Variants in KDM4B observed in about 807,000 individuals in gnomAD.
KDM4B encodes lysine-specific demethylase 4B.
A neutral mutation model predicts 125.2 loss-of-function variants in KDM4B; 32 were observed. The ratio of observed to expected loss-of-function variants is 0.26; its 90% CI spans 0.19 to 0.34. The LOEUF (loss-of-function observed/expected upper bound fraction) is 0.34, where lower values mean the gene tolerates loss of function less well. Among genes scored for constraint, KDM4B ranks in the 10% least tolerant of loss-of-function variants. The probability of loss-of-function intolerance (pLI) is 1.00; values close to 1 mark genes in which losing one functional copy is unlikely to be tolerated. For missense variants in KDM4B, 1,190 were observed against 1,577.7 expected (o/e 0.75, Z 4.16); for synonymous variants, 721 against 677.9 (o/e 1.06, Z -0.99).
At position 5,092,674 on chromosome 19, in the gene KDM4B, G is replaced by A. The variant is rs369334860; in HGVS notation, c.918+10170G>A. Among the ~76,000 whole-genome samples, 3 of 152,292 alleles carry A rather than the reference G, an allele frequency of 2.0e-5. No homozygotes were observed. In the East Asian group the frequency reaches 5.8e-4, roughly 29 times the overall value. On this transcript the variant is annotated intron_variant, in intron 9 of 22. Transcript: ENST00000159111. ...CATCAGAGGAGCGGGTCTGCTTACG[G>A]GGTCAGGCAGAGGCAGGACCCCCTC...
intron 6 of KDM4B, among the ~76,000 whole-genome samples, chr19:5,069,806 CA>C (rs2037890134): frequency 6.6e-6 from 1 of 151,906 alleles, no homozygotes. Flanking sequence ...GGGGTTTCAC[CA>C]TGTTGGCTAG....
At chr19:5,003,943 G>A (rs1408530897) in intron 1 of KDM4B, among the ~76,000 whole-genome samples, 1 of 152,170 alleles carries the variant, frequency 6.6e-6, no homozygotes, top group Non-Finnish European at 1.5e-5. Context: ...GTTGTTGGCC[G>A]CGGTCGGATG....
chr19:4,977,711 G>A (rs2034496887), intron 1 of KDM4B, among the ~76,000 whole-genome samples: 1 of 152,218 alleles, frequency 6.6e-6, no homozygotes, highest in Non-Finnish European at 1.5e-5. Flanking sequence ...ACCCACGGGT[G>A]CTGTGGACCC....
Position 5,082,775 on chromosome 19 carries a change from C to T in KDM4B, c.918+271C>T, listed in dbSNP as rs2038342277. On this transcript the variant is annotated intron_variant, in intron 9 of 22. Coordinates refer to ENST00000159111, the MANE Select transcript of KDM4B (RefSeq NM_015015.3). The surrounding 1 kb of genome is among the most constrained non-coding windows in gnomAD (Gnocchi z 5.4). The stretch of plus-strand genomic sequence containing the variant: ...GTTCCATACACCAGTTATCCCTCGG[C>T]CTGCGTGGGCCTCCTGGGCATGGCC... 6.6e-6 allele frequency among the ~76,000 whole-genome samples: 1 copy of T among 152,244 alleles called. No individual in the cohort carries two copies. Among genetic ancestry groups the T allele is most frequent in the Non-Finnish European group, 1.5e-5 (1 of 68,038 alleles).
intron 11 of KDM4B, among the ~76,000 whole-genome samples, chr19:5,120,757 G>A (rs944849542): frequency 6.6e-6 from 1 of 152,114 alleles, no homozygotes; most frequent in Non-Finnish European, 1.5e-5. Context: ...AGGGCTCCCC[G>A]CTGGGAGCCC....
intron 11 of KDM4B, among the ~76,000 whole-genome samples, chr19:5,123,765 G>A (rs908375849): frequency 2.0e-5 from 3 of 152,230 alleles, no homozygotes; most frequent in Admixed American, 2.0e-4. Flanking sequence ...GCTGGTAGAG[G>A]ATAAGTTCCT....
intron 2 of KDM4B, among the ~76,000 whole-genome samples, chr19:5,022,345 T>TAGGGCAC (rs1222543304): frequency 2.0e-5 from 3 of 152,140 alleles, no homozygotes; most frequent in Non-Finnish European, 4.4e-5. Context: ...CTTGGGTACG[T>TAGGGCAC]AGGGCACAGG....
intron 9 of KDM4B, among the ~76,000 whole-genome samples, chr19:5,100,406 T>C (rs1419941378): frequency 5.3e-5 from 8 of 150,056 alleles, no homozygotes; most frequent in Non-Finnish European, 1.2e-4. Flanking sequence ...TTTTTTGTTT[T>C]TGTTGTTGTT....
At chr19:5,103,309 C>T (rs1227905501) in intron 9 of KDM4B, among the ~76,000 whole-genome samples, 2 of 152,258 alleles carry the variant, frequency 1.3e-5, no homozygotes, top group African/African-American at 4.8e-5. Flanking sequence ...AGCCCATCGA[C>T]ATTCTGATTT....
At chr19:5,067,037 C>T (rs2037792830) in intron 6 of KDM4B, among the ~76,000 whole-genome samples, 1 of 152,188 alleles carries the variant, frequency 6.6e-6, no homozygotes, top group African/African-American at 2.4e-5. Context: ...CAGATTCCTC[C>T]AGGCAAGGCC....
intron 1 of KDM4B, among the ~76,000 whole-genome samples, chr19:4,988,731 C>T (rs1218392477): frequency 2.0e-5 from 3 of 152,156 alleles, no homozygotes; most frequent in African/African-American, 7.2e-5. Context: ...CAGAGGGTTC[C>T]GTGCTCTCCC....
chr19:4,975,171 C>T (rs749214089), intron 1 of KDM4B, among the ~76,000 whole-genome samples: 5 of 152,072 alleles, frequency 3.3e-5, no homozygotes, highest in Non-Finnish European at 4.4e-5. Flanking sequence ...CTGGAAGGGC[C>T]GGAGAATAAA....
At chr19:4,990,281 C>T (rs2034991458) in intron 1 of KDM4B, among the ~76,000 whole-genome samples, 1 of 152,190 alleles carries the variant, frequency 6.6e-6, no homozygotes, top group Admixed American at 6.5e-5. Flanking sequence ...AAGAGTGAGA[C>T]CCTGTCCCCG....
chr19:5,024,089 C>T (rs1184095724), intron 2 of KDM4B, among the ~76,000 whole-genome samples: 1 of 152,116 alleles, frequency 6.6e-6, no homozygotes, highest in Admixed American at 6.5e-5. Flanking sequence ...TCAGTTTCTG[C>T]GTGTGGCCGC....
At chr19:5,077,032 T>TGGTG (rs2038138683) in intron 7 of KDM4B, 1 of 319,752 alleles carries the variant, frequency 3.1e-6, no homozygotes, top group South Asian at 4.8e-5. Context: ...GTCCTTCCCC[T>TGGTG]GGTGAGGAGG....
chr19:5,097,774 T>C (rs1423552074), intron 9 of KDM4B, among the ~76,000 whole-genome samples: 2 of 152,182 alleles, frequency 1.3e-5, no homozygotes, highest in African/African-American at 4.8e-5. Context: ...GGGTGCAGTG[T>C]TGGCTGTTCC....
At chr19:5,123,687 G>A (rs1164947560) in intron 11 of KDM4B, among the ~76,000 whole-genome samples, 1 of 152,202 alleles carries the variant, frequency 6.6e-6, no homozygotes, top group Non-Finnish European at 1.5e-5. Context: ...AGGTCCTCTG[G>A]GGTTTGGGAA....
At chr19:4,981,782 G>T (rs553476174) in intron 1 of KDM4B, among the ~76,000 whole-genome samples, 38 of 152,260 alleles carry the variant, frequency 2.5e-4, no homozygotes, top group Middle Eastern at 3.4e-3. Context: ...ACTGTCACCT[G>T]CTCTCCCCTG....
At chr19:5,008,890 C>T (rs1429466318) in intron 1 of KDM4B, among the ~76,000 whole-genome samples, 3 of 148,514 alleles carry the variant, frequency 2.0e-5, no homozygotes, top group Non-Finnish European at 4.4e-5. Context: ...CATGAGTGAC[C>T]ATGCCTGGCC....
Sources: allele counts gnomAD v4.1 joint callset (sites outside exome capture counted in the v4.1 genomes callset), GRCh38; gene constraint gnomAD v4.1.1; non-coding constraint Gnocchi (gnomAD v3.1); transcripts MANE v1.5; gene names NCBI Gene and HGNC (gene_info 2026-07-23, HGNC 2026-07-21).